Variants in HMBOX1 observed in about 807,000 individuals in gnomAD.
The protein encoded by HMBOX1 is homeobox-containing protein 1.
Under a neutral mutation model 54.5 loss-of-function variants are expected in HMBOX1, and 14 were observed. That is an observed-to-expected ratio of 0.26 (90% CI 0.17 to 0.40). HMBOX1 has a LOEUF of 0.40. HMBOX1 is among the 10% of genes least tolerant of loss of function. The pLI is 1.00. For missense variants in HMBOX1, 332 were observed against 514.4 expected (o/e 0.65, Z 3.43); for synonymous variants, 160 against 181.0 (o/e 0.88, Z 0.93).
intron 6 of HMBOX1, among the ~76,000 whole-genome samples, chr8:29,038,240 C>G (rs757295206): frequency 3.3e-5 from 5 of 152,138 alleles, no homozygotes; most frequent in African/African-American, 4.8e-5. Context: ...TATTTTGCCA[C>G]TTTTCATTTT....
chr8:28,897,766 G>A lies in HMBOX1; in HGVS notation c.-58+7088G>A, dbSNP rs546041787. The stretch of plus-strand genomic sequence containing the variant: ...CTAGAGAGGATATGTTAGAATCTGT[G>A]TTAGATAACCAAAATTACAGCTATT... On this transcript the variant is annotated intron_variant, in intron 1 of 9. Transcript: ENST00000287701. Among the ~76,000 whole-genome samples the A allele has an allele frequency of 4.7e-4, 72 of 152,316 alleles. No homozygotes were observed. In the Middle Eastern group the frequency reaches 0.017, roughly 36 times the overall value.
chr8:28,915,777 T>C (rs1316627098), intron 1 of HMBOX1: 1 of 151,930 alleles, frequency 6.6e-6, no homozygotes, highest in Non-Finnish European at 1.5e-5. Context: ...TTTAGCACAC[T>C]ATAGCACAGA....
intron 1 of HMBOX1, among the ~76,000 whole-genome samples, chr8:28,916,717 G>A (rs1816630586): frequency 6.6e-6 from 1 of 151,788 alleles, no homozygotes; most frequent in African/African-American, 2.4e-5. Flanking sequence ...TTACGGTATT[G>A]TAAGTCTTAC....
At chr8:28,924,149 C>T (rs1332993592) in intron 1 of HMBOX1, among the ~76,000 whole-genome samples, 6 of 151,336 alleles carry the variant, frequency 4.0e-5, no homozygotes, top group Non-Finnish European at 7.4e-5. Flanking sequence ...CTCTGTCGCC[C>T]AGGCTGGAGT....
chr8:29,018,648 T>C (rs1030052744), intron 5 of HMBOX1, 112 bp from the exon 6 acceptor site: 1 of 1,056,828 alleles, frequency 9.5e-7, no homozygotes, highest in Non-Finnish European at 1.3e-6. Context: ...GATACATTGA[T>C]TAAGTTGTCA....
intron 9 of HMBOX1, chr8:29,049,306 G>A (rs780828085): frequency 7.8e-6 from 12 of 1,536,002 alleles, no homozygotes; most frequent in South Asian, 7.1e-5. Flanking sequence ...TGGCAAGTAC[G>A]CAATGGGGAG....
rs1193092742 is a variant in HMBOX1, at chr8:28,970,645, A to G, written c.500+126A>G. 3 of 604,508 alleles carry G rather than the reference A, an allele frequency of 5.0e-6. No individual in the cohort carries two copies. The East Asian group carries it at 8.0e-5, about 16-fold the overall frequency. The allele number at this position is 604,508 out of a possible 1,614,324, so 37.4% of individuals were successfully genotyped here. Reference sequence around the variant, plus strand: ...AACTTCCTCTAGCTATAAGAACTGTAACTTCCTCCTCCCACCTTTGGAGAT... The same window carrying G: ...AACTTCCTCTAGCTATAAGAACTGTGACTTCCTCCTCCCACCTTTGGAGAT... On this transcript the variant is annotated intron_variant, in intron 3 of 9. Transcript: ENST00000287701. This position sits in a 1 kb window ranked among gnomAD's most constrained non-coding sequence, Gnocchi z 4.3.
rs530095987 is a variant in HMBOX1, at chr8:29,036,154, T to C, written c.852-9207T>C. ...TTATCAATTGGCAAGTGGGGTCTAG[T>C]GGCAATTAGCATGCTGCAAGTAAAT... On this transcript the variant is annotated intron_variant, in intron 6 of 9. Coordinates refer to ENST00000287701, the MANE Select transcript of HMBOX1 (RefSeq NM_001135726.3). 2.0e-5 allele frequency among the ~76,000 whole-genome samples: 3 copies of C among 152,310 alleles called. No homozygotes were observed. In the South Asian group the frequency reaches 6.2e-4, roughly 32 times the overall value.
At chr8:28,916,273 C>T (rs1444688718) in intron 1 of HMBOX1, among the ~76,000 whole-genome samples, 2 of 152,154 alleles carry the variant, frequency 1.3e-5, no homozygotes, top group Non-Finnish European at 2.9e-5. Context: ...TTGTATTGGG[C>T]CTTCTGATCA....
chr8:29,013,480 GC>G (rs1021831763), intron 5 of HMBOX1, among the ~76,000 whole-genome samples: 2 of 152,112 alleles, frequency 1.3e-5, no homozygotes, highest in African/African-American at 4.8e-5. Context: ...GTTGTATATG[GC>G]TTTTGGTTTT....
chr8:29,009,001 A>G, intron 4 of HMBOX1, 71 bp from the exon 5 acceptor site: 1 of 1,236,534 alleles, frequency 8.1e-7, no homozygotes, highest in Non-Finnish European at 1.2e-6. Flanking sequence ...AGTAACCTAG[A>G]ACCAAAAGAT....
intron 1 of HMBOX1, among the ~76,000 whole-genome samples, chr8:28,916,741 G>C (rs1405524999): frequency 6.6e-6 from 1 of 152,038 alleles, no homozygotes. Flanking sequence ...CAGTTAATAT[G>C]AGTCTTCCAA....
chr8:28,948,200 C>G (rs1563446671), intron 1 of HMBOX1, among the ~76,000 whole-genome samples: 1 of 152,106 alleles, frequency 6.6e-6, no homozygotes, highest in Non-Finnish European at 1.5e-5. Flanking sequence ...TCTTCTTTCC[C>G]CACTTTTTGT....
Position 28,909,086 on chromosome 8 carries a change from C to A in HMBOX1, c.-58+18408C>A, listed in dbSNP as rs558261882. ...CTCCAAGATGGGTGACAGAGTGAGA[C>A]CCTATCTCTAAAAAAAAAAAAAAAA... is the stretch of plus-strand genomic sequence containing the variant. On this transcript the variant is annotated intron_variant, in intron 1 of 9. Transcript: ENST00000287701. Among the ~76,000 whole-genome samples, 239 of 149,318 alleles carry A rather than the reference C, an allele frequency of 1.6e-3. 2 individuals carry two copies. Among genetic ancestry groups the A allele is most frequent in the African/African-American group, 5.7e-3 (230 of 40,586 alleles).
At chr8:29,010,314 C>G in intron 5 of HMBOX1, 2 of 261,428 alleles carry the variant, frequency 7.7e-6, no homozygotes, top group Non-Finnish European at 1.2e-5. Context: ...AATCCCAACA[C>G]TTTGGGAGGC....
intron 3 of HMBOX1, among the ~76,000 whole-genome samples, chr8:28,976,371 C>G (rs1384986719): frequency 2.0e-5 from 3 of 152,048 alleles, no homozygotes; most frequent in Non-Finnish European, 4.4e-5. Flanking sequence ...ATTTTAAAAG[C>G]CTTGTGAAGG....
intron 1 of HMBOX1, among the ~76,000 whole-genome samples, chr8:28,931,056 C>G (rs1476708819): frequency 1.3e-5 from 2 of 152,110 alleles, no homozygotes; most frequent in Non-Finnish European, 2.9e-5. Context: ...CCTCAACTCT[C>G]TTTTTTGTTG....
At chr8:29,050,986 A>G in intron 9 of HMBOX1, 32 bp from the exon 10 acceptor site, 1 of 1,599,386 alleles carries the variant, frequency 6.3e-7, no homozygotes, top group Non-Finnish European at 8.5e-7. Flanking sequence ...CTTCCAATCC[A>G]CTAATAACAT....
At chr8:28,942,675 T>A (rs928253899) in intron 1 of HMBOX1, among the ~76,000 whole-genome samples, 1 of 152,238 alleles carries the variant, frequency 6.6e-6, no homozygotes, top group African/African-American at 2.4e-5. Flanking sequence ...CGGAGTCTGT[T>A]TCATATTAGC....
Sources: allele counts gnomAD v4.1 joint callset (sites outside exome capture counted in the v4.1 genomes callset), GRCh38; gene constraint gnomAD v4.1.1; non-coding constraint Gnocchi (gnomAD v3.1); transcripts MANE v1.5; gene names NCBI Gene and HGNC (gene_info 2026-07-23, HGNC 2026-07-21).